The following GRIK2 variants were observed in gnomAD, a reference collection of about 807,000 sequenced individuals.
GRIK2 encodes glutamate receptor ionotropic, kainate 2.
Under a neutral mutation model 100.3 loss-of-function variants are expected in GRIK2, and 32 were observed. The observed-to-expected ratio is 0.32, with a 90% confidence interval of 0.24 to 0.43. The LOEUF (loss-of-function observed/expected upper bound fraction) is 0.43. GRIK2 is among the 20% of genes least tolerant of loss of function. GRIK2 has a pLI of 1.00. For missense variants in GRIK2, 843 were observed against 1,114.9 expected, an observed-to-expected ratio of 0.76 and a Z score of 3.47; for synonymous variants, 417 against 389.4, an observed-to-expected ratio of 1.07 and a Z score of -0.83.
At chr6:101,503,099 G>C (rs532818394) in intron 2 of GRIK2, among the ~76,000 whole-genome samples, 1 of 152,208 alleles carries the variant, frequency 6.6e-6, no homozygotes, top group African/African-American at 2.4e-5. Context: ...ATTGGTGCCT[G>C]GGAAAGACAA....
chr6:101,533,207 T>C (rs2128285529), intron 2 of GRIK2, among the ~76,000 whole-genome samples: 1 of 151,998 alleles, frequency 6.6e-6, no homozygotes, highest in Non-Finnish European at 1.5e-5. Flanking sequence ...AGATCTCTTG[T>C]GCAGGGGATG....
chr6:101,984,614 AACACACACACAC>A (rs10678285), intron 14 of GRIK2, among the ~76,000 whole-genome samples: 64 of 129,246 alleles, frequency 5.0e-4, no homozygotes, highest in African/African-American at 1.1e-3. Context: ...TACACATTAA[AACACACACACAC>A]ACACACACAC....
At chr6:101,666,371 A>G (rs1355302371) in intron 4 of GRIK2, among the ~76,000 whole-genome samples, 3 of 152,186 alleles carry the variant, frequency 2.0e-5, no homozygotes, top group African/African-American at 7.2e-5. Context: ...CTAGAGCTTG[A>G]ATGTCTTAAG....
At chr6:101,898,782 T>C (rs1048586427) in intron 12 of GRIK2, among the ~76,000 whole-genome samples, 6 of 151,904 alleles carry the variant, frequency 3.9e-5, no homozygotes, top group Admixed American at 2.6e-4. Context: ...TCAAGTGGTA[T>C]TAGTATTGTT....
intron 7 of GRIK2, among the ~76,000 whole-genome samples, chr6:101,774,138 G>T (rs111683885): frequency 0.013 from 1,954 of 151,858 alleles, 41 homozygotes; most frequent in African/African-American, 0.045. Flanking sequence ...TAATACTTAC[G>T]TGAATATTTG....
At chr6:101,875,061 C>CT (rs1442864808) in intron 11 of GRIK2, among the ~76,000 whole-genome samples, 1 of 152,068 alleles carries the variant, frequency 6.6e-6, no homozygotes, top group African/African-American at 2.4e-5. Context: ...ATTTGATTTC[C>CT]TTTTTTCCTA....
intron 11 of GRIK2, among the ~76,000 whole-genome samples, 176 bp downstream of exon 11, chr6:101,859,669 G>T (rs1784629312): frequency 6.6e-6 from 1 of 152,064 alleles, no homozygotes; most frequent in Admixed American, 6.5e-5. Context: ...ATCTAAGAGG[G>T]ATATATAGCC....
intron 12 of GRIK2, among the ~76,000 whole-genome samples, chr6:101,903,167 C>A (rs775368286): frequency 1.3e-5 from 2 of 151,832 alleles, no homozygotes; most frequent in African/African-American, 2.4e-5. Flanking sequence ...CTCTGTATAT[C>A]TTATTAACTA....
chr6:101,946,441 G>A lies in GRIK2; in HGVS notation c.2085+17809G>A, dbSNP rs189482629. On this transcript the variant is annotated intron_variant, in intron 14 of 16. Coordinates refer to ENST00000369134, the MANE Select transcript of GRIK2 (RefSeq NM_021956.5). ...AACTACACAGGAGGCTGAGGTGGGA[G>A]GATCATTTAAGCCTGGGAGGTTAAG... 4.6e-5 allele frequency among the ~76,000 whole-genome samples: 7 copies of A among 151,978 alleles called. No homozygotes were observed. In the East Asian group the frequency reaches 1.2e-3, roughly 25 times the overall value.
chr6:101,803,084 CAA>C (rs1268238389), intron 9 of GRIK2, among the ~76,000 whole-genome samples: 20 of 151,676 alleles, frequency 1.3e-4, no homozygotes, highest in African/African-American at 4.6e-4. Flanking sequence ...TGATAATTGA[CAA>C]GAGATATTAA....
In GRIK2 at chr6:101,686,325, A is replaced by C. The variant is rs376814973; in HGVS notation, c.923A>C (p.Asp308Ala). 2 of 1,613,524 alleles carry C rather than the reference A, an allele frequency of 1.2e-6. No homozygotes were observed. Among genetic ancestry groups the C allele is most frequent in the Non-Finnish European group, 1.7e-6 (2 of 1,179,554 alleles). ...CGATTGCAGGCACCTCCGAAACCCG[A>C]TTCAGGTTTGCTGGATGGATTTATG... ...MERLQAPPKP[D>A]SGLLDGFMTT... The change falls in exon 7 of 17, where the codon GAT becomes GCT. Residue 308 changes from aspartate to alanine, a missense_variant. Around this residue, in one of 3 missense-constraint regions of GRIK2, gnomAD observed 519 missense variants for 643.8 expected, o/e 0.81. Coordinates refer to ENST00000369134, the MANE Select transcript of GRIK2 (RefSeq NM_021956.5).
rs9498788 is a variant in GRIK2, at chr6:101,984,307, A to G, written c.2086-51034A>G. On this transcript the variant is annotated intron_variant, in intron 14 of 16. Coordinates refer to ENST00000369134, the MANE Select transcript of GRIK2 (RefSeq NM_021956.5). ...TTTAACATCCCCAGTAGAAAGGTCA[A>G]TGGGAAATGTAGGAAATGAGATTTT... is the stretch of plus-strand genomic sequence containing the variant. Among the ~76,000 whole-genome samples the G allele has an allele frequency of 9.7e-3, 1,467 of 151,800 alleles. 27 individuals carry two copies. Among genetic ancestry groups the G allele is most frequent in the African/African-American group, 0.034 (1,422 of 41,490 alleles).
intron 10 of GRIK2, among the ~76,000 whole-genome samples, chr6:101,825,379 T>C (rs1782254204): frequency 6.6e-6 from 1 of 152,140 alleles, no homozygotes. Context: ...TTCAGAGACT[T>C]CCACAAAGCT....
At chr6:101,887,263 T>C (rs916809637) in intron 11 of GRIK2, among the ~76,000 whole-genome samples, 36 of 152,190 alleles carry the variant, frequency 2.4e-4, no homozygotes, top group African/African-American at 8.2e-4. Flanking sequence ...CATTTCACAA[T>C]GTATATGTAC....
At chr6:101,463,768 C>T (rs1337276482) in intron 2 of GRIK2, among the ~76,000 whole-genome samples, 1 of 151,830 alleles carries the variant, frequency 6.6e-6, no homozygotes, top group Admixed American at 6.6e-5. Context: ...GAGACTCCAA[C>T]ATGCATGGAA....
At chr6:102,016,871 A>G (rs960772761) in intron 14 of GRIK2, among the ~76,000 whole-genome samples, 1 of 152,154 alleles carries the variant, frequency 6.6e-6, no homozygotes, top group Admixed American at 6.5e-5. Flanking sequence ...AAAAGCAGCT[A>G]TAGAGAAAGG....
chr6:101,440,821 G>A (rs991923003), intron 2 of GRIK2, among the ~76,000 whole-genome samples: 4 of 151,790 alleles, frequency 2.6e-5, no homozygotes, highest in Admixed American at 2.0e-4. Context: ...TCCTAAATAC[G>A]CAAGGGCCTT....
At chr6:101,458,211 A>G (rs73502693) in intron 2 of GRIK2, among the ~76,000 whole-genome samples, 8,122 of 151,782 alleles carry the variant, frequency 0.054, 251 homozygotes, top group South Asian at 0.095. Flanking sequence ...TTTAAAGGAC[A>G]TTTCCAGAAA....
At chr6:101,881,070 T>C (rs183789953) in intron 11 of GRIK2, among the ~76,000 whole-genome samples, 1 of 152,010 alleles carries the variant, frequency 6.6e-6, no homozygotes, top group Non-Finnish European at 1.5e-5. Flanking sequence ...AAATAAAACT[T>C]TTTATATATG....
Sources: gnomAD v4.1 joint callset for allele counts (sites outside exome capture counted in the v4.1 genomes callset) on GRCh38, gnomAD v4.1.1 for gene constraint, gnomAD v4.1.1 regional missense constraint, MANE v1.5 for transcripts, NCBI Gene and HGNC (gene_info 2026-07-23, HGNC 2026-07-21) for gene names.